WDPCP: variants seen among roughly 807,000 people sequenced by gnomAD.
WDPCP encodes the protein WD repeat-containing and planar cell polarity effector protein fritz homolog.
Under a neutral mutation model 93.1 loss-of-function variants are expected in WDPCP, and 71 were observed. The observed-to-expected ratio is 0.76, with a 90% CI of 0.63 to 0.93. WDPCP has a LOEUF of 0.93. Among genes scored for constraint, WDPCP ranks in the 40% least tolerant of loss-of-function variants. The probability of loss-of-function intolerance (pLI) is 0.00; values close to 1 mark genes in which losing one functional copy is unlikely to be tolerated. For synonymous variants in WDPCP, 315 were observed against 315.0 expected (o/e 1.00, Z 0.00); for missense variants, 844 against 887.4 (o/e 0.95, Z 0.62).
Position 63,253,102 on chromosome 2 carries a change from A to G in WDPCP, c.1915+6205T>C, listed in dbSNP as rs534992353. ...ATGTAACAAAATAGAGAACACTGAA[A>G]TAAAGCCACACATCTACAGGCATCT... On this transcript the variant is annotated intron_variant, in intron 14 of 17. Coordinates refer to ENST00000272321, the MANE Select transcript of WDPCP (RefSeq NM_015910.7). Among the ~76,000 whole-genome samples the G allele has an allele frequency of 6.6e-5, 10 of 152,300 alleles. No individual in the cohort carries two copies. The South Asian group carries it at 1.0e-3, about 16-fold the overall frequency.
At chr2:63,389,451 A>G (rs10168706) in intron 10 of WDPCP, among the ~76,000 whole-genome samples, 4 of 152,336 alleles carry the variant, frequency 2.6e-5, no homozygotes, top group African/African-American at 9.6e-5. Context: ...AAACATGCCA[A>G]ATTATAAAGA....
At chr2:63,207,072 T>A (rs534392953) in intron 14 of WDPCP, among the ~76,000 whole-genome samples, 5 of 152,210 alleles carry the variant, frequency 3.3e-5, no homozygotes, top group Non-Finnish European at 5.9e-5. Context: ...TGGAATCATA[T>A]AGTATTTACC....
At chr2:63,620,063 G>C (rs1458341965) in intron 3 of WDPCP, among the ~76,000 whole-genome samples, 1 of 152,184 alleles carries the variant, frequency 6.6e-6, no homozygotes, top group Non-Finnish European at 1.5e-5. Flanking sequence ...TACACCACCA[G>C]GGCCCTAGGT....
At chr2:63,138,301 G>A (rs1404078312) in intron 17 of WDPCP, among the ~76,000 whole-genome samples, 2 of 152,040 alleles carry the variant, frequency 1.3e-5, no homozygotes, top group African/African-American at 4.8e-5. Context: ...CTGAGGAGAG[G>A]TTGTGCTAAT....
intron 1 of WDPCP, among the ~76,000 whole-genome samples, chr2:63,493,363 AT>A (rs1339937442): frequency 1.3e-5 from 2 of 152,174 alleles, no homozygotes; most frequent in African/African-American, 4.8e-5. Flanking sequence ...TAAAGCAAAT[AT>A]TTACAATATC....
chr2:63,699,922 AG>A (rs1669019624), intron 2 of WDPCP, among the ~76,000 whole-genome samples: 2 of 152,116 alleles, frequency 1.3e-5, no homozygotes, highest in African/African-American at 2.4e-5. Context: ...GAGCTTCTGA[AG>A]GCTTTTGAGC....
chr2:63,312,393 T>C (rs151222103), intron 13 of WDPCP, among the ~76,000 whole-genome samples: 3 of 152,350 alleles, frequency 2.0e-5, no homozygotes, highest in Admixed American at 2.0e-4. Flanking sequence ...TTTTGATTTA[T>C]TGTTTCTGTG....
chr2:63,837,035 G>A, the WDPCP span, among the ~76,000 whole-genome samples: 2 of 152,102 alleles, frequency 1.3e-5, no homozygotes, highest in South Asian at 2.1e-4. Flanking sequence ...TGATGTAAAA[G>A]TTATATAACT....
At chr2:63,828,899 A>G (rs1217294965), upstream of WDPCP, among the ~76,000 whole-genome samples, 1 of 152,192 alleles carries the variant, frequency 6.6e-6, no homozygotes, top group African/African-American at 2.4e-5. Context: ...GGTAAGATTG[A>G]CTATCATTTT....
chr2:63,462,150 T>C (rs903314988), intron 6 of WDPCP, among the ~76,000 whole-genome samples: 1 of 152,186 alleles, frequency 6.6e-6, no homozygotes. Flanking sequence ...CACATATACA[T>C]CATGGAGTAC....
chr2:63,325,509 T>A (rs1687464582), intron 12 of WDPCP, among the ~76,000 whole-genome samples: 1 of 152,156 alleles, frequency 6.6e-6, no homozygotes, highest in Non-Finnish European at 1.5e-5. Flanking sequence ...AAAATTGACT[T>A]CCTCCTGGAC....
intron 12 of WDPCP, among the ~76,000 whole-genome samples, chr2:63,366,153 T>C (rs1690888797): frequency 6.6e-6 from 1 of 152,180 alleles, no homozygotes; most frequent in African/African-American, 2.4e-5. Context: ...TGTGGGGTTC[T>C]GTTTAATTTT....
rs180912915 is a variant in WDPCP, at chr2:63,380,660, T to C, written c.1624+1246A>G. ...ATCGCTTGAACCTGGGAGGCAGGCA[T>C]TGCAGTGAGAAGAGATCATGCCACT... On this transcript the variant is annotated intron_variant, in intron 11 of 17. Transcript: ENST00000272321. 1.3e-4 allele frequency among the ~76,000 whole-genome samples: 20 copies of C among 152,256 alleles called. 1 individual carries two copies. The highest frequency in any genetic ancestry group is 3.9e-4 in the Admixed American group (6 of 15,282).
chr2:63,544,558 A>T (rs904988391), intron 1 of WDPCP, among the ~76,000 whole-genome samples: 11 of 152,170 alleles, frequency 7.2e-5, no homozygotes, highest in African/African-American at 2.7e-4. Context: ...AAATTAATAG[A>T]CAAAAATGAG....
At chr2:63,463,788 A>G (rs758084095) in intron 6 of WDPCP, among the ~76,000 whole-genome samples, 19 of 152,326 alleles carry the variant, frequency 1.2e-4, no homozygotes, top group Non-Finnish European at 2.5e-4. Flanking sequence ...GGATATTCAT[A>G]TGCAAAAGAA....
At chr2:63,707,739 T>C (rs1164580744) in intron 2 of WDPCP, among the ~76,000 whole-genome samples, 2 of 152,352 alleles carry the variant, frequency 1.3e-5, no homozygotes, top group East Asian at 3.9e-4. Flanking sequence ...TGCTCTGTTT[T>C]TTCCCCATCT....
At chr2:63,575,489 A>ATACAGTATATATACT (rs1257278044) in intron 1 of WDPCP, among the ~76,000 whole-genome samples, 4 of 17,302 alleles carry the variant, frequency 2.3e-4, no homozygotes, top group Admixed American at 1.4e-3. Flanking sequence ...GTGTATATAT[A>ATACAGTATATATACT]GTATATACAG....
intron 13 of WDPCP, among the ~76,000 whole-genome samples, chr2:63,304,667 G>A (rs921294112): frequency 2.6e-5 from 4 of 152,180 alleles, no homozygotes; most frequent in African/African-American, 9.7e-5. Context: ...ACAAAACTTG[G>A]TGGCTGTTTG....
At chr2:63,287,333 A>C (rs1195935291) in intron 13 of WDPCP, among the ~76,000 whole-genome samples, 1 of 151,674 alleles carries the variant, frequency 6.6e-6, no homozygotes, top group Non-Finnish European at 1.5e-5. Context: ...AATTTTCAAC[A>C]TACTCATATC....
Sources: allele counts gnomAD v4.1 joint callset (sites outside exome capture counted in the v4.1 genomes callset), GRCh38; gene constraint gnomAD v4.1.1; transcripts MANE v1.5; gene names NCBI Gene and HGNC (gene_info 2026-07-23, HGNC 2026-07-21).